Variants in TRPC1 observed in about 807,000 individuals in gnomAD.
TRPC1 encodes short transient receptor potential channel 1.
TRPC1 carries 42 observed loss-of-function variants against 88.2 expected under a neutral mutation model. The ratio of observed to expected loss-of-function variants is 0.48; its 90% CI spans 0.37 to 0.62. The LOEUF (loss-of-function observed/expected upper bound fraction) is 0.62. Among genes scored for constraint, TRPC1 ranks in the 20% least tolerant of loss-of-function variants. TRPC1 has a pLI of 0.00. For synonymous variants in TRPC1, 288 were observed against 331.8 expected, an observed-to-expected ratio of 0.87 and a Z score of 1.43; for missense variants, 699 against 957.3, an observed-to-expected ratio of 0.73 and a Z score of 3.56.
At chr3:142,785,312 T>G (rs143124871) in intron 7 of TRPC1, 34 of 252,366 alleles carry the variant, frequency 1.3e-4, no homozygotes, top group African/African-American at 6.5e-4. Flanking sequence ...CTATGGTTAT[T>G]CATGATTGTA....
chr3:142,751,177 C>G (rs1247622214), intron 4 of TRPC1, among the ~76,000 whole-genome samples: 3 of 152,200 alleles, frequency 2.0e-5, no homozygotes, highest in South Asian at 2.1e-4. Flanking sequence ...ATTATAAAGC[C>G]TGTAGTAGTA....
At chr3:142,779,739 G>GA (rs1255872091) in intron 5 of TRPC1, among the ~76,000 whole-genome samples, 35 of 151,762 alleles carry the variant, frequency 2.3e-4, no homozygotes, top group African/African-American at 7.0e-4. Flanking sequence ...TTCAGTTTGG[G>GA]AAAAAACTGA....
intron 4 of TRPC1, among the ~76,000 whole-genome samples, chr3:142,771,190 A>G (rs2108095685): frequency 6.6e-6 from 1 of 152,368 alleles, no homozygotes; most frequent in East Asian, 1.9e-4. Flanking sequence ...ATCAAATTTC[A>G]ACATGAGGTT....
intron 3 of TRPC1, among the ~76,000 whole-genome samples, chr3:142,745,747 C>A (rs879487123): frequency 3.9e-5 from 6 of 152,066 alleles, no homozygotes; most frequent in Admixed American, 6.6e-5. Flanking sequence ...ATCATACCTT[C>A]TTTTATTTTA....
intron 3 of TRPC1, among the ~76,000 whole-genome samples, chr3:142,747,525 C>G (rs1318251134): frequency 6.6e-6 from 1 of 152,162 alleles, no homozygotes; most frequent in Non-Finnish European, 1.5e-5. Flanking sequence ...GATCAGCACC[C>G]AGCCACCCTG....
chr3:142,751,430 A>C (rs1384950379), intron 4 of TRPC1, among the ~76,000 whole-genome samples: 1 of 152,222 alleles, frequency 6.6e-6, no homozygotes, highest in Non-Finnish European at 1.5e-5. Context: ...GCCTAGGAGC[A>C]GTAGGCTATA....
chr3:142,735,097 A>G (rs1192912455), intron 1 of TRPC1, among the ~76,000 whole-genome samples: 1 of 152,184 alleles, frequency 6.6e-6, no homozygotes, highest in Non-Finnish European at 1.5e-5. Flanking sequence ...TACTAGTACT[A>G]TGGGGAAAAT....
chr3:142,760,351 A>G (rs1339661633), intron 4 of TRPC1, among the ~76,000 whole-genome samples: 1 of 152,124 alleles, frequency 6.6e-6, no homozygotes, highest in African/African-American at 2.4e-5. Flanking sequence ...CCTTTCCCCA[A>G]AATATGTTCT....
chr3:142,745,534 C>T (rs574194259), intron 3 of TRPC1, among the ~76,000 whole-genome samples: 39 of 152,174 alleles, frequency 2.6e-4, no homozygotes, highest in African/African-American at 8.2e-4. Flanking sequence ...ATCCCAGTTA[C>T]TTGGGAGGCT....
At chr3:142,804,658 C>A in intron 12 of TRPC1, 28 bp downstream of exon 12, 2 of 1,560,738 alleles carry the variant, frequency 1.3e-6, no homozygotes, top group Non-Finnish European at 1.7e-6. Context: ...TGAATGGCAA[C>A]ATAAAAGTTT....
chr3:142,741,052 G>C (rs930906022), intron 2 of TRPC1, among the ~76,000 whole-genome samples: 11 of 151,876 alleles, frequency 7.2e-5, no homozygotes, highest in South Asian at 2.1e-4. Flanking sequence ...TTGTTGAAAA[G>C]ATAAATTCTA....
intron 10 of TRPC1, among the ~76,000 whole-genome samples, chr3:142,803,341 G>T (rs1297165873): frequency 6.6e-6 from 1 of 152,186 alleles, no homozygotes; most frequent in Non-Finnish European, 1.5e-5. Context: ...CCAGAGGTAG[G>T]AGCATGACTG....
chr3:142,746,634 A>G (rs1047136789), intron 3 of TRPC1, among the ~76,000 whole-genome samples: 2 of 152,192 alleles, frequency 1.3e-5, no homozygotes, highest in Non-Finnish European at 2.9e-5. Context: ...TCATGATAGT[A>G]TTTTTCACTA....
At chr3:142,730,514 T>C (rs924167457) in intron 1 of TRPC1, among the ~76,000 whole-genome samples, 1 of 152,086 alleles carries the variant, frequency 6.6e-6, no homozygotes, top group Admixed American at 6.5e-5. Context: ...TACAATAATA[T>C]GGTTATAAAT....
intron 1 of TRPC1, among the ~76,000 whole-genome samples, chr3:142,730,621 C>T (rs199718936): frequency 0.041 from 4,533 of 110,396 alleles, 244 homozygotes; most frequent in African/African-American, 0.15. Flanking sequence ...TTTTTTTTTT[C>T]CTTTTTAAAA....
intron 7 of TRPC1, 197 bp downstream of exon 7, chr3:142,785,237 G>A: frequency 2.2e-6 from 1 of 447,884 alleles, no homozygotes; most frequent in African/African-American, 2.1e-5. Flanking sequence ...TGATGATAAG[G>A]AAGCATCTCT....
At chr3:142,758,202 A>G (rs1039610835) in intron 4 of TRPC1, among the ~76,000 whole-genome samples, 3 of 152,182 alleles carry the variant, frequency 2.0e-5, no homozygotes. Flanking sequence ...TTTTTTGAAG[A>G]ACCTCCATAC....
intron 4 of TRPC1, among the ~76,000 whole-genome samples, chr3:142,757,282 CT>C (rs200705293): frequency 1.3e-5 from 2 of 151,350 alleles, no homozygotes; most frequent in African/African-American, 2.4e-5. Flanking sequence ...TATGGTAGTT[CT>C]TTTTTTTAAA....
chr3:142,748,332 T>A lies in TRPC1; in HGVS notation c.504T>A (p.His168Gln), dbSNP rs1265941504. ...TTGCACCTGTCATTTTAGCTGCTCA[T>A]CGTAACAACTATGAAATTCTTACAA... Reference protein sequence around the residue: ...MDVAPVILAAHRNNYEILTML... With the variant: ...MDVAPVILAAQRNNYEILTML... The change falls in exon 4 of 13, where the codon CAT becomes CAA. Residue 168 changes from histidine to glutamine, a missense_variant. By Grantham distance (24) the His-to-Gln change is conservative. Transcript: ENST00000476941. 6.2e-7 allele frequency: 1 copy of A among 1,614,012 alleles called. No homozygotes were observed. Among genetic ancestry groups the A allele is most frequent in the Non-Finnish European group, 8.5e-7 (1 of 1,179,990 alleles).
Sources: allele counts gnomAD v4.1 joint callset (sites outside exome capture counted in the v4.1 genomes callset), GRCh38; gene constraint gnomAD v4.1.1; transcripts MANE v1.5; gene names NCBI Gene and HGNC (gene_info 2026-07-23, HGNC 2026-07-21).